The following ZDHHC14 variants were observed in gnomAD, a reference collection of about 807,000 sequenced individuals.
ZDHHC14 encodes zDHHC palmitoyltransferase 14.
A neutral mutation model predicts 47.7 loss-of-function variants in ZDHHC14; 16 were observed. The observed-to-expected ratio is 0.34, with a 90% confidence interval of 0.23 to 0.51. ZDHHC14 has a LOEUF of 0.51. Among genes scored for constraint, ZDHHC14 ranks in the 20% least tolerant of loss-of-function variants. The probability of loss-of-function intolerance (pLI) is 0.97; values close to 1 mark genes in which losing one functional copy is unlikely to be tolerated. For missense variants in ZDHHC14, 515 were observed against 662.5 expected, an observed-to-expected ratio of 0.78 and a Z score of 2.44; for synonymous variants, 293 against 278.9, an observed-to-expected ratio of 1.05 and a Z score of -0.50.
chr6:157,412,588 C>T (rs1289790695), intron 1 of ZDHHC14, among the ~76,000 whole-genome samples: 2 of 152,152 alleles, frequency 1.3e-5, no homozygotes, highest in South Asian at 2.1e-4. Flanking sequence ...CCACCGTGCC[C>T]GGCCAATAGA....
chr6:157,677,851 A>T lies in ZDHHC14; in HGVS notation c.*4729A>T, dbSNP rs1055744. The stretch of plus-strand genomic sequence containing the variant: ...ATAGAGATGGTTTTAGCCTGCAATT[A>T]AAAAAAAAAAAAAAAACGGTTGAAG... On this transcript the variant is annotated 3_prime_UTR_variant, in exon 9 of 9. Coordinates refer to ENST00000359775, the MANE Select transcript of ZDHHC14 (RefSeq NM_024630.3). 5.4e-4 allele frequency: 68 copies of T among 126,238 alleles called. No individual in the cohort carries two copies. The highest frequency in any genetic ancestry group is 3.5e-3 in the South Asian group (14 of 4,020). 7.8% of individuals were successfully genotyped at this position (126,238 alleles called of 1,614,324 possible).
chr6:157,669,326 G>A (rs766434303), intron 8 of ZDHHC14, among the ~76,000 whole-genome samples: 6 of 152,068 alleles, frequency 3.9e-5, no homozygotes, highest in Non-Finnish European at 8.8e-5. Context: ...GCACAAGAGA[G>A]GGGTGGTGGG....
chr6:157,621,343 A>G (rs1265307010), intron 3 of ZDHHC14, among the ~76,000 whole-genome samples: 1 of 151,982 alleles, frequency 6.6e-6, no homozygotes, highest in Non-Finnish European at 1.5e-5. Context: ...TTTTGGAGGT[A>G]AAAAAGCCCT....
chr6:157,649,488 G>A (rs558844696), intron 7 of ZDHHC14, among the ~76,000 whole-genome samples: 7 of 152,284 alleles, frequency 4.6e-5, no homozygotes, highest in South Asian at 2.1e-4. Context: ...TTGCCCTTCC[G>A]CTGTGCCACC....
At chr6:157,631,998 C>T (rs974354200) in intron 4 of ZDHHC14, 2 of 152,308 alleles carry the variant, frequency 1.3e-5, no homozygotes, top group East Asian at 3.8e-4. Flanking sequence ...TCTTCACCCT[C>T]CCAGGTGTCG....
rs5881216 is a variant in ZDHHC14, at chr6:157,543,348, G to GT, written c.406+615dup. Among the ~76,000 whole-genome samples the GT allele has an allele frequency of 6.2e-3, 935 of 150,170 alleles. 7 individuals are homozygous for GT. Among genetic ancestry groups the GT allele is most frequent in the Non-Finnish European group, 9.5e-3 (641 of 67,286 alleles). On this transcript the variant is annotated intron_variant, in intron 2 of 8. Coordinates refer to ENST00000359775, the MANE Select transcript of ZDHHC14 (RefSeq NM_024630.3). The stretch of plus-strand genomic sequence containing the variant: ...ATCCCTTACACAACAAACTTTTACA[G>GT]TTTTTTTTTTTTAATTAAAAGGAGT...
chr6:157,508,787 A>C (rs1780390858), intron 1 of ZDHHC14, among the ~76,000 whole-genome samples: 1 of 152,192 alleles, frequency 6.6e-6, no homozygotes, highest in Admixed American at 6.5e-5. Context: ...TAATGTTTCA[A>C]TGAATTTTTA....
chr6:157,407,636 G>A (rs1777790660), intron 1 of ZDHHC14, among the ~76,000 whole-genome samples: 1 of 152,192 alleles, frequency 6.6e-6, no homozygotes, highest in Non-Finnish European at 1.5e-5. Context: ...TTAAAAAAAG[G>A]TGGTCTCTTT....
intron 1 of ZDHHC14, among the ~76,000 whole-genome samples, 182 bp downstream of exon 1, chr6:157,382,448 C>T (rs945801765): frequency 5.3e-5 from 8 of 152,158 alleles, no homozygotes; most frequent in African/African-American, 1.9e-4. Flanking sequence ...CCGGAAAGAA[C>T]GCCGTTCTGG....
intron 1 of ZDHHC14, among the ~76,000 whole-genome samples, chr6:157,440,901 A>G (rs1778549169): frequency 6.6e-6 from 1 of 152,246 alleles, no homozygotes; most frequent in Non-Finnish European, 1.5e-5. Context: ...TTGAGCTAAG[A>G]CAACATTGTG....
intron 2 of ZDHHC14, among the ~76,000 whole-genome samples, chr6:157,563,532 A>G (rs1188854284): frequency 6.6e-6 from 1 of 152,032 alleles, no homozygotes; most frequent in East Asian, 1.9e-4. Context: ...TATTAGAGAG[A>G]CCCCATGGCA....
At chr6:157,398,280 G>C (rs1219088381) in intron 1 of ZDHHC14, among the ~76,000 whole-genome samples, 1 of 152,234 alleles carries the variant, frequency 6.6e-6, no homozygotes, top group East Asian at 1.9e-4. Context: ...TGCCAGGCCA[G>C]GCTGCAGTCC....
At chr6:157,607,085 T>A (rs1784567024) in intron 3 of ZDHHC14, among the ~76,000 whole-genome samples, 1 of 152,234 alleles carries the variant, frequency 6.6e-6, no homozygotes, top group South Asian at 2.1e-4. Context: ...ATGTCGAAAT[T>A]ATGTTAGAAA....
At chr6:157,435,439 T>C (rs1778419532) in intron 1 of ZDHHC14, among the ~76,000 whole-genome samples, 1 of 152,208 alleles carries the variant, frequency 6.6e-6, no homozygotes, top group Non-Finnish European at 1.5e-5. Flanking sequence ...GGCTAGGACA[T>C]ATGTATGCAG....
intron 3 of ZDHHC14, among the ~76,000 whole-genome samples, chr6:157,596,892 C>T (rs1050852654): frequency 6.6e-6 from 1 of 152,310 alleles, no homozygotes; most frequent in Non-Finnish European, 1.5e-5. Flanking sequence ...CTGATTACAA[C>T]AAGAAGCGTC....
At chr6:157,609,716 C>G (rs746740740) in intron 3 of ZDHHC14, among the ~76,000 whole-genome samples, 1 of 152,204 alleles carries the variant, frequency 6.6e-6, no homozygotes, top group Non-Finnish European at 1.5e-5. Context: ...GGGCACTGAG[C>G]TTGCAGATGG....
rs187156141 is a variant in ZDHHC14, at chr6:157,565,394, A to G, written c.406+22649A>G. Among the ~76,000 whole-genome samples, 311 of 152,322 alleles carry G rather than the reference A, an allele frequency of 2.0e-3. 1 individual carries two copies. The highest frequency in any genetic ancestry group is 6.3e-3 in the African/African-American group (261 of 41,570). On this transcript the variant is annotated intron_variant, in intron 2 of 8. Coordinates refer to ENST00000359775, the MANE Select transcript of ZDHHC14 (RefSeq NM_024630.3). ...ATTGTGTGCCTTCAACACATTTACCATCTGTGGGAATAAGGCAAAAATACA... is the reference window on the plus strand; with the variant it reads ...ATTGTGTGCCTTCAACACATTTACCGTCTGTGGGAATAAGGCAAAAATACA...
At chr6:157,642,091 C>T (rs1020585117) in intron 5 of ZDHHC14, among the ~76,000 whole-genome samples, 1 of 151,684 alleles carries the variant, frequency 6.6e-6, no homozygotes, top group Non-Finnish European at 1.5e-5. Context: ...GAAATTAGAA[C>T]TAAAAAAATT....
intron 5 of ZDHHC14, among the ~76,000 whole-genome samples, chr6:157,634,089 A>C (rs1776848218): frequency 6.6e-6 from 1 of 152,222 alleles, no homozygotes; most frequent in Non-Finnish European, 1.5e-5. Context: ...TCTAAAAACA[A>C]ATGTGATCCT....
Sources: allele counts gnomAD v4.1 joint callset (sites outside exome capture counted in the v4.1 genomes callset), GRCh38; gene constraint gnomAD v4.1.1; transcripts MANE v1.5; gene names NCBI Gene and HGNC (gene_info 2026-07-23, HGNC 2026-07-21).